Variants in PARD3 observed in about 807,000 individuals in gnomAD.
PARD3 encodes par-3 family cell polarity regulator, also known as partitioning defective 3 homolog.
PARD3 carries 75 observed loss-of-function variants against 155.4 expected under a neutral mutation model. The ratio of observed to expected loss-of-function variants is 0.48; its 90% CI spans 0.40 to 0.58. The LOEUF is 0.58. Ranked by LOEUF, PARD3 falls within the 20% of genes least tolerant of loss-of-function variation. The pLI, the probability that PARD3 is intolerant of heterozygous loss-of-function variation, is 0.00. For synonymous variants in PARD3, 576 were observed against 610.5 expected (o/e 0.94, Z 0.83); for missense variants, 1,642 against 1,721.7 (o/e 0.95, Z 0.82).
chr10:34,256,391 G>T (rs1391897946), intron 22 of PARD3, among the ~76,000 whole-genome samples: 3 of 152,196 alleles, frequency 2.0e-5, no homozygotes, highest in Non-Finnish European at 2.9e-5. Flanking sequence ...CCCTGGCAAG[G>T]TTACCACAGC....
chr10:34,580,070 T>C (rs771019359), intron 2 of PARD3, among the ~76,000 whole-genome samples: 58 of 151,922 alleles, frequency 3.8e-4, no homozygotes, highest in Non-Finnish European at 7.8e-4. Context: ...TGTACCACCA[T>C]GCCTGGATAA....
chr10:34,325,616 T>A (rs1564587328), intron 19 of PARD3, among the ~76,000 whole-genome samples: 1 of 152,040 alleles, frequency 6.6e-6, no homozygotes, highest in Non-Finnish European at 1.5e-5. Flanking sequence ...TCCACTGGGT[T>A]GAATCATCCC....
At chr10:34,566,917 A>C (rs2085992289) in intron 2 of PARD3, among the ~76,000 whole-genome samples, 1 of 152,230 alleles carries the variant, frequency 6.6e-6, no homozygotes, top group African/African-American at 2.4e-5. Flanking sequence ...TTAAAGAGTA[A>C]AAATGACAAG....
chr10:34,424,712 G>A (rs967626765), intron 5 of PARD3, among the ~76,000 whole-genome samples: 4 of 151,702 alleles, frequency 2.6e-5, no homozygotes, highest in Non-Finnish European at 2.9e-5. Flanking sequence ...ACGGGGTTTC[G>A]TCATGTTGCC....
At chr10:34,513,877 C>T (rs1027185775) in intron 3 of PARD3, among the ~76,000 whole-genome samples, 2 of 152,152 alleles carry the variant, frequency 1.3e-5, no homozygotes, top group Admixed American at 6.5e-5. Flanking sequence ...TGCCCAACTC[C>T]ACCAGTTGTC....
intron 4 of PARD3, among the ~76,000 whole-genome samples, chr10:34,465,232 G>A (rs989744867): frequency 3.9e-5 from 6 of 152,026 alleles, no homozygotes; most frequent in African/African-American, 1.4e-4. Flanking sequence ...CAGAACCCAT[G>A]GACACAGAAG....
At chr10:34,119,792 C>A (rs1946886230) in intron 23 of PARD3, 52 bp from the exon 24 acceptor site, 5 of 1,484,296 alleles carry the variant, frequency 3.4e-6, no homozygotes, top group South Asian at 1.3e-5. Flanking sequence ...CTGTACAGAT[C>A]ACACAACTGG....
chr10:34,555,615 T>TA (rs1278586096), intron 2 of PARD3, among the ~76,000 whole-genome samples: 1 of 152,238 alleles, frequency 6.6e-6, no homozygotes, highest in Admixed American at 6.5e-5. Flanking sequence ...GCTTATCTTT[T>TA]ACATCATTAT....
At chr10:34,778,005 G>A (rs1180646497) in intron 1 of PARD3, among the ~76,000 whole-genome samples, 2 of 152,146 alleles carry the variant, frequency 1.3e-5, no homozygotes, top group Non-Finnish European at 2.9e-5. Flanking sequence ...TTATCCTCCA[G>A]CAGCCTTCAG....
intron 1 of PARD3, among the ~76,000 whole-genome samples, chr10:34,732,687 G>C (rs1462289473): frequency 6.6e-6 from 1 of 152,166 alleles, no homozygotes; most frequent in Non-Finnish European, 1.5e-5. Context: ...GACAGAGCAA[G>C]ACAATCAATC....
In PARD3 at chr10:34,118,920, T is replaced by C. The variant is rs77007608; in HGVS notation, c.3668+693A>G. Reference sequence around the variant, plus strand: ...TTTTCAACATTTTTATTCTTTACTATGCCTGGAAGAAAAACTTTGATGGAA... The same window carrying C: ...TTTTCAACATTTTTATTCTTTACTACGCCTGGAAGAAAAACTTTGATGGAA... On this transcript the variant is annotated intron_variant, in intron 24 of 24. Transcript: ENST00000374788. 1.1e-3 allele frequency among the ~76,000 whole-genome samples: 164 copies of C among 152,334 alleles called. 1 individual carries two copies. In the East Asian group the frequency reaches 0.026, roughly 24 times the overall value.
At chr10:34,548,790 C>G (rs2084313005) in intron 2 of PARD3, among the ~76,000 whole-genome samples, 1 of 151,566 alleles carries the variant, frequency 6.6e-6, no homozygotes, top group Admixed American at 6.6e-5. Context: ...TTTGCAAATA[C>G]TTTGAACAAA....
chr10:34,319,059 G>A lies in PARD3; in HGVS notation c.2834-1721C>T, dbSNP rs187387072. 4.3e-3 allele frequency among the ~76,000 whole-genome samples: 642 copies of A among 147,698 alleles called. 7 individuals are homozygous for A. The highest frequency in any genetic ancestry group is 0.015 in the African/African-American group (610 of 40,352). On this transcript the variant is annotated intron_variant, in intron 19 of 24. Coordinates refer to ENST00000374788, the MANE Select transcript of PARD3 (RefSeq NM_001184785.2). ...CTCCCAAAGTGCTGGGATTACAGGA[G>A]TGAGCCACTGCACCCAGACTTTTTT...
chr10:34,220,765 G>T (rs185954960), intron 22 of PARD3, among the ~76,000 whole-genome samples: 1 of 152,068 alleles, frequency 6.6e-6, no homozygotes, highest in Non-Finnish European at 1.5e-5. Context: ...TTCACAGTGG[G>T]GACTAATGTG....
intron 5 of PARD3, among the ~76,000 whole-genome samples, chr10:34,429,405 C>T (rs865822993): frequency 0.011 from 1,570 of 146,662 alleles, 25 homozygotes; most frequent in African/African-American, 0.035. Flanking sequence ...TTTTTTTTTC[C>T]TTTTTTTGAG....
chr10:34,472,708 C>A (rs73261481), intron 3 of PARD3, among the ~76,000 whole-genome samples: 11,444 of 152,134 alleles, frequency 0.075, 1,319 homozygotes, highest in African/African-American at 0.25. Flanking sequence ...TAAAAAATAG[C>A]ACAAACATAG....
rs189481970 is a variant in PARD3, at chr10:34,470,173, G to C, written c.494C>G (p.Pro165Arg). 6 of 1,613,320 alleles carry C rather than the reference G, an allele frequency of 3.7e-6. No homozygotes were observed. The African/African-American group carries it at 6.7e-5, about 18-fold the overall frequency. The change falls in exon 4 of 25, where the codon CCT becomes CGT. Residue 165 changes from proline (P) to arginine (R), a missense_variant. Coordinates refer to ENST00000374788, the MANE Select transcript of PARD3 (RefSeq NM_001184785.2). ...CCAGCGTGTGGGATTTTTCCTTGAA[G>C]GCTCTTCAGAGGAAAAATTACTATC... ...VSDSNFSSEEPSRKNPTRWST... is the reference protein window; with the variant it reads ...VSDSNFSSEERSRKNPTRWST...
chr10:34,628,506 T>C (rs1419772506), intron 2 of PARD3, among the ~76,000 whole-genome samples: 1 of 152,240 alleles, frequency 6.6e-6, no homozygotes, highest in African/African-American at 2.4e-5. Flanking sequence ...CAATGCTCAA[T>C]GCTGTCCCAG....
chr10:34,215,706 GT>G (rs1951970953), intron 22 of PARD3, among the ~76,000 whole-genome samples: 1 of 152,198 alleles, frequency 6.6e-6, no homozygotes, highest in African/African-American at 2.4e-5. Flanking sequence ...ACTGCAAGAG[GT>G]AAGAATCTTC....
Sources: gnomAD v4.1 joint callset for allele counts (sites outside exome capture counted in the v4.1 genomes callset) on GRCh38, gnomAD v4.1.1 for gene constraint, MANE v1.5 for transcripts, NCBI Gene and HGNC (gene_info 2026-07-23, HGNC 2026-07-21) for gene names.